Variants in GTF2H2 observed in about 807,000 individuals in gnomAD.
The protein encoded by GTF2H2 is TFIIH basal transcription factor complex p44 subunit.
A neutral mutation model predicts 16.5 loss-of-function variants in GTF2H2; 2 were observed. The observed-to-expected ratio is 0.12, with a 90% confidence interval of 0.05 to 0.38. GTF2H2 has a LOEUF of 0.38. Among genes scored for constraint, GTF2H2 ranks in the 10% least tolerant of loss-of-function variants. The pLI is 0.99. For missense variants in GTF2H2, 20 were observed against 137.0 expected, an observed-to-expected ratio of 0.15 and a Z score of 4.26; for synonymous variants, 8 against 44.1, an observed-to-expected ratio of 0.18 and a Z score of 3.24.
rs545967278 is a variant in GTF2H2 at position 71,053,314 on chromosome 5, G to T, written c.470+2038C>A. On this transcript the variant is annotated intron_variant, in intron 8 of 15. Coordinates refer to ENST00000274400, the Ensembl canonical transcript of GTF2H2. ...ATTTTTGTGTCTTAGGAGATGGGGG[G>T]GCCGAACAGAGGGAGAGAGACTGGA... is the stretch of plus-strand genomic sequence containing the variant. 3.3e-3 allele frequency among the ~76,000 whole-genome samples: 469 copies of T among 142,234 alleles called. 59 individuals are homozygous for T. Among genetic ancestry groups the T allele is most frequent in the South Asian group, 6.2e-3 (29 of 4,682 alleles). 93.3% of individuals were successfully genotyped at this position (142,234 alleles called of 152,430 possible). A position where few individuals can be genotyped will look rare whatever the true frequency, so the allele number is the denominator to read the frequency against.
intron 14 of GTF2H2, among the ~76,000 whole-genome samples, chr5:71,039,441 G>T (rs1452633109): frequency 8.6e-6 from 1 of 116,766 alleles, no homozygotes; most frequent in Non-Finnish European, 1.8e-5. Flanking sequence ...AAAGTGCAAG[G>T]ATTAGAGCTA....
At chr5:71,051,086 A>AT (rs1752673314) in intron 8 of GTF2H2, among the ~76,000 whole-genome samples, 1 of 143,458 alleles carries the variant, frequency 7.0e-6, no homozygotes, top group African/African-American at 2.6e-5. Context: ...ACCTCAAGTG[A>AT]TCCACCCGCC....
At chr5:71,058,477 C>T (rs1410732972) in intron 7 of GTF2H2, 2 of 141,922 alleles carry the variant, frequency 1.4e-5, no homozygotes, top group East Asian at 2.0e-4. Context: ...TCTCCCTAGA[C>T]GTGTGCTGAA....
At position 71,061,435 on chromosome 5, in the gene GTF2H2, C is replaced by T. The variant is rs1002328080; in HGVS notation, c.135-127G>A. On this transcript the variant is annotated intron_variant, in intron 3 of 15. Coordinates refer to ENST00000274400, the Ensembl canonical transcript of GTF2H2. The stretch of plus-strand genomic sequence containing the variant: ...CTAATTCTGAGTAAGAATGTCATAA[C>T]GTGCATTTTTAGTGGAGTAAATAAT... 2.5e-4 allele frequency: 185 copies of T among 747,000 alleles called. 4 individuals are homozygous for T. In the South Asian group the frequency reaches 2.9e-3, roughly 12 times the overall value. The allele number at this position is 747,000 out of a possible 1,614,324, so 46.3% of individuals were successfully genotyped here.
intron 1 of GTF2H2, among the ~76,000 whole-genome samples, chr5:71,064,145 C>CT (rs1231769678): frequency 7.6e-6 from 1 of 131,478 alleles, no homozygotes; most frequent in East Asian, 2.2e-4. Flanking sequence ...AAACTAAACA[C>CT]TGAGTACACG....
rs1336298503 is a variant in GTF2H2 at position 71,052,148 on chromosome 5, C to G, written c.471-2990G>C. On this transcript the variant is annotated intron_variant, in intron 8 of 15. Coordinates refer to ENST00000274400, the Ensembl canonical transcript of GTF2H2. ...ACTTGCTGCAGCTTCTACATCAGCACTTGCTGCTTCCTCTTGCACTTTTTT... is the reference window on the plus strand; with the variant it reads ...ACTTGCTGCAGCTTCTACATCAGCAGTTGCTGCTTCCTCTTGCACTTTTTT... 4.7e-4 allele frequency among the ~76,000 whole-genome samples: 67 copies of G among 143,014 alleles called. 11 individuals are homozygous for G. Among genetic ancestry groups the G allele is most frequent in the Middle Eastern group, 3.5e-3 (1 of 288 alleles). 93.8% of individuals were successfully genotyped at this position (143,014 alleles called of 152,430 possible).
Position 71,055,162 on chromosome 5 carries a change from A to G in GTF2H2, c.470+190T>C, listed in dbSNP as rs1753113379. The G allele has an allele frequency of 6.5e-6, 3 of 463,572 alleles. No homozygotes were observed. In the South Asian group the frequency reaches 1.5e-4, roughly 24 times the overall value. 28.7% of individuals were successfully genotyped at this position (463,572 alleles called of 1,614,324 possible). A position where few individuals can be genotyped will look rare whatever the true frequency, so the allele number is the denominator to read the frequency against. On this transcript the variant is annotated intron_variant, in intron 8 of 15. Transcript: ENST00000274400. ...TTATATTTTTATAAAACCTTTAACA[A>G]TATCTTACTAAAATGTAAAATAAAG...
At chr5:71,064,161 A>AT (rs1337679099) in intron 1 of GTF2H2, among the ~76,000 whole-genome samples, 3 of 137,240 alleles carry the variant, frequency 2.2e-5, no homozygotes, top group Non-Finnish European at 4.9e-5. Context: ...ACACGTGGAC[A>AT]TAACGATGAG....
chr5:71,045,404 TA>T lies in GTF2H2; in HGVS notation c.821+39del. The T allele has an allele frequency of 3.6e-6, 4 of 1,125,878 alleles. No individual in the cohort carries two copies. The South Asian group carries it at 5.1e-5, about 14-fold the overall frequency. The allele number at this position is 1,125,878 out of a possible 1,614,324, so 69.7% of individuals were successfully genotyped here. A position where few individuals can be genotyped will look rare whatever the true frequency, so the allele number is the denominator to read the frequency against. On this transcript the variant is annotated intron_variant, in intron 12 of 15. Coordinates refer to ENST00000274400, the Ensembl canonical transcript of GTF2H2. ...AACTTAAAAGAAGGAATTAAAAATG[TA>T]AAAACATTATCACTGATATTTTCAA...
intron 8 of GTF2H2, chr5:71,055,127 C>G: frequency 2.7e-6 from 1 of 363,790 alleles, no homozygotes; most frequent in Non-Finnish European, 4.9e-6. Flanking sequence ...ATACTGCCGA[C>G]AGTTTTAAAT....
rs1257680348 is a variant in GTF2H2 at position 71,037,953 on chromosome 5, CG to C, written c.1029-408del. Among the ~76,000 whole-genome samples the C allele has an allele frequency of 5.4e-5, 2 of 36,998 alleles. 1 individual carries two copies. The highest frequency in any genetic ancestry group is 9.1e-5 in the Non-Finnish European group (2 of 21,932). 24.3% of individuals were successfully genotyped at this position (36,998 alleles called of 152,430 possible). ...TGTCATTGCACTCCACACTGAGCAA[CG>C]GGAGCAAAACTCTGACTCACAAAAA... is the stretch of plus-strand genomic sequence containing the variant. On this transcript the variant is annotated intron_variant, in intron 14 of 15. Transcript: ENST00000274400.
intron 7 of GTF2H2, among the ~76,000 whole-genome samples, chr5:71,056,539 AT>A (rs1361087944): frequency 3.8e-4 from 19 of 50,002 alleles, no homozygotes; most frequent in African/African-American, 8.7e-4. Context: ...TTAATATAAT[AT>A]TTTTTTATAT....
chr5:71,046,578 T>C (rs538793335), intron 11 of GTF2H2, among the ~76,000 whole-genome samples: 970 of 133,128 alleles, frequency 7.3e-3, no homozygotes, highest in African/African-American at 0.025. Context: ...GAGATTATTT[T>C]TCTATTAAAA....
chr5:71,052,915 A>ATTTTTTTTT (rs1241503525), intron 8 of GTF2H2, among the ~76,000 whole-genome samples: 5 of 44,052 alleles, frequency 1.1e-4, no homozygotes, highest in Non-Finnish European at 1.9e-4. Context: ...TGCCTGGCTA[A>ATTTTTTTTT]TTTTTTTTTT....
chr5:71,051,251 G>A (rs1752686084), intron 8 of GTF2H2, among the ~76,000 whole-genome samples: 1 of 89,094 alleles, frequency 1.1e-5, no homozygotes, highest in Non-Finnish European at 2.2e-5. Context: ...GGCAGTCACA[G>A]CCTTATGATA....
rs1407754955 is a variant in GTF2H2 at position 71,055,382 on chromosome 5, T to G, written c.440A>C (p.Asn147Thr). 13 of 1,578,406 alleles carry G rather than the reference T, an allele frequency of 8.2e-6. 2 individuals carry two copies. The highest frequency in any genetic ancestry group is 1.1e-5 in the Non-Finnish European group (13 of 1,158,458). Residue 147 changes from asparagine to threonine, a missense_variant, in exon 8 of 16, where the codon AAT becomes ACT. By Grantham distance (65) the Asn-to-Thr change is moderately conservative (BLOSUM62 0). Coordinates refer to ENST00000274400, the Ensembl canonical transcript of GTF2H2. The stretch of plus-strand genomic sequence containing the variant: ...AGTCTGCATAGCTATGCTTAGGGAA[T>G]TATAAAGAGATGGCTCTCCATGGCA...
intron 8 of GTF2H2, among the ~76,000 whole-genome samples, chr5:71,053,187 C>A (rs1752903007): frequency 7.6e-6 from 1 of 131,736 alleles, no homozygotes; most frequent in Non-Finnish European, 1.6e-5. Context: ...CCTCACTAAG[C>A]TCAATCATTT....
chr5:71,054,712 C>T lies in GTF2H2; in HGVS notation c.470+640G>A, dbSNP rs6882262. 5.6e-4 allele frequency among the ~76,000 whole-genome samples: 59 copies of T among 105,204 alleles called. 1 individual carries two copies. The highest frequency in any genetic ancestry group is 4.6e-3 in the Middle Eastern group (1 of 218). The allele number at this position is 105,204 out of a possible 152,430, so 69.0% of individuals were successfully genotyped here. A position where few individuals can be genotyped will look rare whatever the true frequency, so the allele number is the denominator to read the frequency against. On this transcript the variant is annotated intron_variant, in intron 8 of 15. Transcript: ENST00000274400. ...TGTCTCGAAAAAAAATATATATATA[C>T]GTGTGTGTGTGTGTGTGTGTGTGTG...
intron 8 of GTF2H2, chr5:71,054,907 G>A (rs1753085266): frequency 7.3e-6 from 1 of 136,406 alleles, no homozygotes; most frequent in South Asian, 2.2e-4. Context: ...TTTCCTTTGG[G>A]GTCTTAGCTC....
Sources: gnomAD v4.1 joint callset for allele counts (sites outside exome capture counted in the v4.1 genomes callset) on GRCh38, gnomAD v4.1.1 for gene constraint, MANE v1.5 for transcripts, NCBI Gene and HGNC (gene_info 2026-07-23, HGNC 2026-07-21) for gene names.